Variants in TGFBRAP1 observed in about 807,000 individuals in gnomAD.
TGFBRAP1 encodes the protein transforming growth factor beta receptor associated protein 1.
TGFBRAP1 carries 20 observed loss-of-function variants against 83.2 expected under a neutral mutation model. The observed-to-expected ratio is 0.24, with a 90% CI of 0.17 to 0.35. The LOEUF (loss-of-function observed/expected upper bound fraction) is 0.35, where lower values mean the gene tolerates loss of function less well. TGFBRAP1 is among the 10% of genes least tolerant of loss of function. TGFBRAP1 has a pLI of 1.00. For missense variants in TGFBRAP1, 950 were observed against 1,099.4 expected (o/e 0.86, Z 1.92); for synonymous variants, 415 against 459.8 (o/e 0.90, Z 1.25).
Position 105,267,110 on chromosome 2 carries a change from C to T in TGFBRAP1, c.*273G>A. ...CAAAGTAGACCTCTGTCTTGGATTACTATGTACCTGGACAGGTGAACTCTT... is the reference window on the plus strand; with the variant it reads ...CAAAGTAGACCTCTGTCTTGGATTATTATGTACCTGGACAGGTGAACTCTT... On this transcript the variant is annotated 3_prime_UTR_variant, in exon 12 of 12. Transcript: ENST00000393359. 2 of 308,488 alleles carry T rather than the reference C, an allele frequency of 6.5e-6. No homozygotes were observed. The highest frequency in any genetic ancestry group is 6.0e-6 in the Non-Finnish European group (1 of 166,842). 19.1% of individuals were successfully genotyped at this position (308,488 alleles called of 1,614,324 possible).
chr2:105,292,091 T>G (rs1414346916), intron 4 of TGFBRAP1, among the ~76,000 whole-genome samples: 1 of 152,136 alleles, frequency 6.6e-6, no homozygotes, highest in African/African-American at 2.4e-5. Flanking sequence ...AGAGACAGTG[T>G]CCCCATATTC....
At chr2:105,298,891 G>T (rs1678185012) in intron 2 of TGFBRAP1, among the ~76,000 whole-genome samples, 186 bp from the exon 3 acceptor site, 1 of 152,152 alleles carries the variant, frequency 6.6e-6, no homozygotes, top group Non-Finnish European at 1.5e-5. Flanking sequence ...ATTTATTTCT[G>T]TGAAGAGAAC....
chr2:105,272,613 T>A (rs1677195463), intron 10 of TGFBRAP1, among the ~76,000 whole-genome samples: 1 of 152,160 alleles, frequency 6.6e-6, no homozygotes, highest in South Asian at 2.1e-4. Context: ...GGCTCACGCC[T>A]ATAATCCCAG....
At chr2:105,255,169 C>T in the TGFBRAP1 span, among the ~76,000 whole-genome samples, 1 of 152,088 alleles carries the variant, frequency 6.6e-6, no homozygotes, top group African/African-American at 2.4e-5. Context: ...GTGGCCTAAT[C>T]AAAAAGATAT....
rs542487172 is a variant in TGFBRAP1 at position 105,277,903 on chromosome 2, TTTAAAAA to T, written c.1464-239_1464-233del. Among the ~76,000 whole-genome samples, 95 of 152,286 alleles carry T rather than the reference TTTAAAAA, an allele frequency of 6.2e-4. 1 individual carries two copies. The highest frequency in any genetic ancestry group is 2.2e-3 in the African/African-American group (91 of 41,548). On this transcript the variant is annotated intron_variant, in intron 6 of 11. Transcript: ENST00000393359. ...GAGATCTTGTCTTTATTAAAATATTTTTAAAAATTAGCCAGGTGTGGGGCACACATCT... is the reference window on the plus strand; with the variant it reads ...GAGATCTTGTCTTTATTAAAATATTTTTAGCCAGGTGTGGGGCACACATCT...
chr2:105,256,427 C>A, the TGFBRAP1 span, among the ~76,000 whole-genome samples: 15 of 152,250 alleles, frequency 9.9e-5, no homozygotes, highest in Non-Finnish European at 1.9e-4. Context: ...CTTAAGGCTC[C>A]CCTCCTGGGC....
chr2:105,271,390 CA>C (rs1677148749), intron 10 of TGFBRAP1, among the ~76,000 whole-genome samples: 1 of 152,180 alleles, frequency 6.6e-6, no homozygotes, highest in South Asian at 2.1e-4. Context: ...AGTAAAAATT[CA>C]ATAGCTGGGA....
In TGFBRAP1 at chr2:105,293,107, T is replaced by C. The variant is rs545651260; in HGVS notation, c.1038+3249A>G. On this transcript the variant is annotated intron_variant, in intron 4 of 11. Transcript: ENST00000393359. ...TGCTGATATGGGGGAATGACGACAATGGTACTGCGGTTACATTTCAAAGGG... is the reference window on the plus strand; with the variant it reads ...TGCTGATATGGGGGAATGACGACAACGGTACTGCGGTTACATTTCAAAGGG... Among the ~76,000 whole-genome samples, 174 of 152,092 alleles carry C rather than the reference T, an allele frequency of 1.1e-3. 1 individual carries two copies. Among genetic ancestry groups the C allele is most frequent in the Non-Finnish European group, 2.2e-3 (151 of 68,002 alleles).
At position 105,280,596 on chromosome 2, in the gene TGFBRAP1, C is replaced by G; in HGVS notation, c.1249G>C (p.Asp417His). ...YADLNQLTQG[D>H]QEKMAKCKRF... ...TTGCACTTGGCCATCTTCTCCTGGT[C>G]CCCCTGGGTCAGCTGGTTCAGGTCT... The change falls in exon 6 of 12, where the codon GAC (aspartate) becomes CAC (histidine). Residue 417 changes from aspartate to histidine, a missense_variant. Transcript: ENST00000393359. 1.2e-6 allele frequency: 2 copies of G among 1,614,116 alleles called. No homozygotes were observed. Among genetic ancestry groups the G allele is most frequent in the Non-Finnish European group, 1.7e-6 (2 of 1,180,020 alleles).
At chr2:105,313,962 G>A (rs888517190) in intron 1 of TGFBRAP1, among the ~76,000 whole-genome samples, 30 of 152,102 alleles carry the variant, frequency 2.0e-4, no homozygotes, top group Non-Finnish European at 3.8e-4. Flanking sequence ...TCATGCTGAA[G>A]TCCTAACCCC....
chr2:105,253,729 C>A, the TGFBRAP1 span, among the ~76,000 whole-genome samples: 1 of 152,198 alleles, frequency 6.6e-6, no homozygotes, highest in African/African-American at 2.4e-5. Context: ...GCCAATGAAC[C>A]TGGCCTCCTA....
At chr2:105,251,684 G>A in the TGFBRAP1 span, among the ~76,000 whole-genome samples, 1 of 152,174 alleles carries the variant, frequency 6.6e-6, no homozygotes, top group Admixed American at 6.5e-5. Flanking sequence ...TGACAATGGC[G>A]GTTTTGTGGA....
At chr2:105,300,240 T>C (rs989889701) in intron 2 of TGFBRAP1, among the ~76,000 whole-genome samples, 5 of 152,144 alleles carry the variant, frequency 3.3e-5, no homozygotes, top group Non-Finnish European at 5.9e-5. Context: ...ATATAGGTAC[T>C]GTGTGATAGG....
In TGFBRAP1 at chr2:105,267,412, T is replaced by C. The variant is rs1460551634; in HGVS notation, c.2554A>G (p.Ser852Gly). ...GTCCGAGTGCCAGGACTGGATGAGC[T>C]GGGGTTTGTGTGTCTGCTGGCGGCA... ...HCAASRHTNPSSSSPGTRT is the reference protein window; with the variant it reads ...HCAASRHTNPGSSSPGTRT The change falls in exon 12 of 12, where the codon AGC (serine) becomes GGC (glycine). Residue 852 changes from serine (S) to glycine (G), a missense_variant. Coordinates refer to ENST00000393359, the MANE Select transcript of TGFBRAP1 (RefSeq NM_004257.6). 2 of 1,614,062 alleles carry C rather than the reference T, an allele frequency of 1.2e-6. No individual in the cohort carries two copies. The highest frequency in any genetic ancestry group is 1.3e-5 in the African/African-American group (1 of 74,920).
intron 1 of TGFBRAP1, among the ~76,000 whole-genome samples, chr2:105,323,965 C>T (rs1313502180): frequency 6.6e-6 from 1 of 152,076 alleles, no homozygotes; most frequent in Admixed American, 6.5e-5. Flanking sequence ...GGATGGTCTA[C>T]AAAATCTCTC....
downstream of TGFBRAP1, among the ~76,000 whole-genome samples, chr2:105,261,895 G>C (rs1676796385): frequency 6.6e-6 from 1 of 152,188 alleles, no homozygotes; most frequent in African/African-American, 2.4e-5. Flanking sequence ...GAGTGGGCTA[G>C]AGTCACTTTC....
chr2:105,277,729 T>C, intron 6 of TGFBRAP1, 58 bp from the exon 7 acceptor site: 2 of 1,514,764 alleles, frequency 1.3e-6, no homozygotes, highest in Non-Finnish European at 1.8e-6. Context: ...GGAGGCGACC[T>C]TCACACAGTG....
downstream of TGFBRAP1, among the ~76,000 whole-genome samples, chr2:105,261,494 G>A (rs1194420386): frequency 6.6e-6 from 1 of 152,212 alleles, no homozygotes. Context: ...GCTCAAGCCT[G>A]TAATCTCAGC....
intron 2 of TGFBRAP1, among the ~76,000 whole-genome samples, chr2:105,305,070 G>A (rs1678450149): frequency 6.6e-6 from 1 of 152,164 alleles, no homozygotes; most frequent in Non-Finnish European, 1.5e-5. Context: ...TAAACTATGG[G>A]CTTCGGGTGC....
Sources: allele counts gnomAD v4.1 joint callset (sites outside exome capture counted in the v4.1 genomes callset), GRCh38; gene constraint gnomAD v4.1.1; transcripts MANE v1.5; gene names NCBI Gene and HGNC (gene_info 2026-07-23, HGNC 2026-07-21).